CNTNAP4: variants seen among roughly 807,000 people sequenced by gnomAD.
CNTNAP4 encodes the protein contactin-associated protein-like 4.
Under a neutral mutation model 148.4 loss-of-function variants are expected in CNTNAP4, and 98 were observed. The ratio of observed to expected loss-of-function variants is 0.66; its 90% CI spans 0.56 to 0.78. The LOEUF is 0.78. Ranked by LOEUF, CNTNAP4 falls within the 30% of genes least tolerant of loss-of-function variation. CNTNAP4 has a pLI of 0.00. For synonymous variants in CNTNAP4, 730 were observed against 565.1 expected (o/e 1.29, Z -4.14); for missense variants, 1,935 against 1,565.6 (o/e 1.24, Z -3.98).
At chr16:76,554,200 G>A (rs1047928847) in intron 23 of CNTNAP4, among the ~76,000 whole-genome samples, 2 of 152,144 alleles carry the variant, frequency 1.3e-5, no homozygotes, top group African/African-American at 4.8e-5. Flanking sequence ...CTTGAACATA[G>A]CCACAGGTAG....
chr16:76,500,630 G>A (rs1279001881), intron 15 of CNTNAP4, among the ~76,000 whole-genome samples: 2 of 151,228 alleles, frequency 1.3e-5, no homozygotes, highest in Non-Finnish European at 2.9e-5. Context: ...GTGTGTGTGT[G>A]TGTGTGTGTG....
rs1228588334 is a variant in CNTNAP4 at position 76,558,672 on chromosome 16, T to A, written c.3916T>A (p.Tyr1306Asn). 6.2e-7 allele frequency: 1 copy of A among 1,604,854 alleles called. No individual in the cohort carries two copies. Among genetic ancestry groups the A allele is most frequent in the Non-Finnish European group, 8.5e-7 (1 of 1,175,990 alleles). ...QNAVNENQKE[Y>N]FF Reference sequence around the variant, plus strand: ...TGCAGTCAATGAAAATCAGAAAGAGTACTTCTTCTGATTGGCAGCTATGAT... The same window carrying A: ...TGCAGTCAATGAAAATCAGAAAGAGAACTTCTTCTGATTGGCAGCTATGAT... Residue 1306 changes from tyrosine to asparagine, a missense_variant, in exon 24 of 24, where the codon TAC (tyrosine) becomes AAC (asparagine). Coordinates refer to ENST00000611870, the MANE Select transcript of CNTNAP4 (RefSeq NM_033401.5).
chr16:76,444,337 T>C (rs2080157506), intron 4 of CNTNAP4, among the ~76,000 whole-genome samples: 1 of 152,178 alleles, frequency 6.6e-6, no homozygotes, highest in African/African-American at 2.4e-5. Context: ...AATTTATTAA[T>C]TCACCTAGAA....
intron 1 of CNTNAP4, among the ~76,000 whole-genome samples, chr16:76,310,907 A>C (rs1018898588): frequency 6.6e-6 from 1 of 152,074 alleles, no homozygotes; most frequent in Non-Finnish European, 1.5e-5. Context: ...TACACTTTCT[A>C]CCACCTATTA....
At chr16:76,543,469 A>C (rs901376269) in intron 21 of CNTNAP4, among the ~76,000 whole-genome samples, 4 of 152,244 alleles carry the variant, frequency 2.6e-5, no homozygotes, top group Non-Finnish European at 5.9e-5. Flanking sequence ...AGGATTAAGC[A>C]TATGAGGATT....
At chr16:76,435,997 G>C (rs2079810958) in intron 4 of CNTNAP4, among the ~76,000 whole-genome samples, 1 of 152,034 alleles carries the variant, frequency 6.6e-6, no homozygotes, top group South Asian at 2.1e-4. Flanking sequence ...TTCTTTTCAA[G>C]TGTAGTGCAC....
At chr16:76,348,433 C>G (rs990020735) in intron 2 of CNTNAP4, among the ~76,000 whole-genome samples, 2 of 151,858 alleles carry the variant, frequency 1.3e-5, no homozygotes. Flanking sequence ...GAGAGATCAA[C>G]GGGGAGTGAA....
chr16:76,283,906 C>T (rs940595879), intron 1 of CNTNAP4, among the ~76,000 whole-genome samples: 1 of 152,002 alleles, frequency 6.6e-6, no homozygotes, highest in Non-Finnish European at 1.5e-5. Flanking sequence ...AATGATCTAG[C>T]TCCTGAAAAC....
At chr16:76,402,108 A>T (rs956310241) in intron 3 of CNTNAP4, among the ~76,000 whole-genome samples, 5 of 152,148 alleles carry the variant, frequency 3.3e-5, no homozygotes, top group African/African-American at 7.2e-5. Context: ...AAATCATATC[A>T]TTGGGAATGG....
chr16:76,348,372 T>C (rs1349439705), intron 2 of CNTNAP4, among the ~76,000 whole-genome samples: 1 of 151,976 alleles, frequency 6.6e-6, no homozygotes, highest in Non-Finnish European at 1.5e-5. Context: ...GGCAGATTTA[T>C]GAATAAGGGA....
intron 1 of CNTNAP4, among the ~76,000 whole-genome samples, chr16:76,284,803 T>A (rs1314631843): frequency 6.6e-6 from 1 of 152,046 alleles, no homozygotes; most frequent in Non-Finnish European, 1.5e-5. Context: ...TGAAACTGGC[T>A]TTCCTTGTTT....
rs985953241 is a variant in CNTNAP4 at position 76,303,545 on chromosome 16, C to T, written c.86-12868C>T. Among the ~76,000 whole-genome samples the T allele has an allele frequency of 2.0e-5, 3 of 152,252 alleles. No individual in the cohort carries two copies. In the East Asian group the frequency reaches 5.8e-4, roughly 29 times the overall value. On this transcript the variant is annotated intron_variant, in intron 1 of 23. Transcript: ENST00000611870. ...GCACATACTTAGGAGGACATTGTTG[C>T]TGTGACTTCATGGACATGTGGTTTA...
chr16:76,483,255 C>G, intron 12 of CNTNAP4, among the ~76,000 whole-genome samples: 1 of 151,680 alleles, frequency 6.6e-6, no homozygotes, highest in East Asian at 1.9e-4. Flanking sequence ...CACACACACA[C>G]ACACACACAC....
At chr16:76,340,700 C>G (rs927530691) in intron 2 of CNTNAP4, among the ~76,000 whole-genome samples, 5 of 151,894 alleles carry the variant, frequency 3.3e-5, no homozygotes, top group African/African-American at 1.2e-4. Flanking sequence ...AAGGCAGAGA[C>G]TTACTTCTGT....
At chr16:76,452,795 AG>A in intron 8 of CNTNAP4, 26 bp downstream of exon 8, 1 of 1,506,048 alleles carries the variant, frequency 6.6e-7, no homozygotes, top group Non-Finnish European at 8.9e-7. Flanking sequence ...CCTGGGGCAA[AG>A]CATATGGATT....
chr16:76,486,675 A>C (rs980197754), intron 12 of CNTNAP4, among the ~76,000 whole-genome samples: 2 of 152,194 alleles, frequency 1.3e-5, no homozygotes, highest in Non-Finnish European at 2.9e-5. Context: ...GCATTTGCTT[A>C]TTTTCTAAGA....
intron 4 of CNTNAP4, among the ~76,000 whole-genome samples, chr16:76,433,116 G>A (rs1205984018): frequency 2.0e-5 from 3 of 152,004 alleles, no homozygotes; most frequent in East Asian, 1.9e-4. Flanking sequence ...ACATGCCCAC[G>A]TTATACTGGG....
chr16:76,378,530 C>G (rs1018995716), intron 3 of CNTNAP4, among the ~76,000 whole-genome samples: 5 of 152,152 alleles, frequency 3.3e-5, no homozygotes, highest in African/African-American at 7.2e-5. Context: ...CCAGGTCTGT[C>G]CATATCACAG....
chr16:76,468,778 A>G (rs185978812), intron 10 of CNTNAP4, among the ~76,000 whole-genome samples: 1 of 152,258 alleles, frequency 6.6e-6, no homozygotes, highest in Non-Finnish European at 1.5e-5. Context: ...AATTAATAGT[A>G]ATAATTGAAA....
Sources: gnomAD v4.1 joint callset for allele counts (sites outside exome capture counted in the v4.1 genomes callset) on GRCh38, gnomAD v4.1.1 for gene constraint, MANE v1.5 for transcripts, NCBI Gene and HGNC (gene_info 2026-07-23, HGNC 2026-07-21) for gene names.